Variants in NPNT observed in about 807,000 individuals in gnomAD.
NPNT encodes the protein nephronectin.
NPNT carries 45 observed loss-of-function variants against 68.6 expected under a neutral mutation model. That is an observed-to-expected ratio of 0.66 (90% CI 0.52 to 0.84). The LOEUF (loss-of-function observed/expected upper bound fraction) is 0.84. NPNT is among the 40% of genes least tolerant of loss of function. The pLI is 0.00. For missense variants in NPNT, 672 were observed against 714.8 expected (o/e 0.94, Z 0.68); for synonymous variants, 233 against 253.3 (o/e 0.92, Z 0.76).
chr4:105,918,836 C>T (rs1728019685), intron 2 of NPNT, among the ~76,000 whole-genome samples: 1 of 152,096 alleles, frequency 6.6e-6, no homozygotes, highest in Admixed American at 6.6e-5. Context: ...GAGATGGGTA[C>T]TGTTCTAAGT....
rs1728360884 is a variant in NPNT at position 105,922,851 on chromosome 4, T to G, written c.173-4485T>G. ...GCAACTGATTTTGGGGTAAAATGTC[T>G]ATCATTCGTTGATTATCTGTGATTT... On this transcript the variant is annotated intron_variant, in intron 2 of 11. Coordinates refer to ENST00000379987, the MANE Select transcript of NPNT (RefSeq NM_001033047.3). Among the ~76,000 whole-genome samples, 5 of 152,338 alleles carry G rather than the reference T, an allele frequency of 3.3e-5. No individual in the cohort carries two copies. The South Asian group carries it at 1.0e-3, about 32-fold the overall frequency.
At chr4:105,900,640 A>T (rs1270743217) in intron 2 of NPNT, among the ~76,000 whole-genome samples, 1 of 152,060 alleles carries the variant, frequency 6.6e-6, no homozygotes, top group Non-Finnish European at 1.5e-5. Context: ...GAAACTTTAT[A>T]TCCTTCCCTC....
chr4:105,916,507 C>G (rs1414450609), intron 2 of NPNT, among the ~76,000 whole-genome samples: 1 of 152,114 alleles, frequency 6.6e-6, no homozygotes, highest in Admixed American at 6.6e-5. Context: ...CAGGCCTGGG[C>G]CACTGTACCC....
intron 3 of NPNT, 41 bp from the exon 4 acceptor site, chr4:105,936,968 A>G: frequency 1.9e-6 from 3 of 1,594,240 alleles, no homozygotes; most frequent in Non-Finnish European, 1.7e-6. Flanking sequence ...ATTAGTGCTG[A>G]GGTTTTGTAA....
At chr4:105,960,405 C>A (rs754409171) in intron 10 of NPNT, among the ~76,000 whole-genome samples, 1 of 152,294 alleles carries the variant, frequency 6.6e-6, no homozygotes, top group South Asian at 2.1e-4. Context: ...GATTTTCATG[C>A]ATTTCTAGCA....
chr4:105,940,631 G>C lies in NPNT; in HGVS notation c.758G>C (p.Cys253Ser), dbSNP rs1252529153. 6.2e-7 allele frequency: 1 copy of C among 1,612,652 alleles called. No individual in the cohort carries two copies. The highest frequency in any genetic ancestry group is 1.3e-5 in the African/African-American group (1 of 74,850). Residue 253 changes from cysteine to serine, a missense_variant, in exon 7 of 12, where the codon TGT (cysteine) becomes TCT (serine). By Grantham distance (112) the Cys-to-Ser change is moderately radical. Transcript: ENST00000379987. ...KEGYQGDGLT[C>S]VYIPKVMIEP... ...GGATACCAGGGTGATGGACTGACTT[G>C]TGTGTGTGAGTAGCACTTGTCTCTC...
At chr4:105,939,216 T>C (rs1729730397) in intron 5 of NPNT, among the ~76,000 whole-genome samples, 1 of 152,174 alleles carries the variant, frequency 6.6e-6, no homozygotes, top group Non-Finnish European at 1.5e-5. Context: ...CAATGCCAAG[T>C]GTTAACATGA....
At chr4:105,961,996 G>A (rs1731755554) in intron 10 of NPNT, among the ~76,000 whole-genome samples, 1 of 152,176 alleles carries the variant, frequency 6.6e-6, no homozygotes, top group African/African-American at 2.4e-5. Flanking sequence ...CGAAGTTATG[G>A]CTCATAGTCG....
intron 3 of NPNT, among the ~76,000 whole-genome samples, chr4:105,936,505 A>G (rs1431097317): frequency 6.6e-6 from 1 of 152,226 alleles, no homozygotes; most frequent in Non-Finnish European, 1.5e-5. Context: ...GTAAAGTAAA[A>G]TATTCTCAAA....
At chr4:105,909,911 CCAGTCTGAGTCA>C in intron 2 of NPNT, among the ~76,000 whole-genome samples, 1 of 152,100 alleles carries the variant, frequency 6.6e-6, no homozygotes, top group Non-Finnish European at 1.5e-5. Context: ...CTGTATGCCT[CCAGTCTGAGTCA>C]CATGGTAACT....
At chr4:105,962,178 A>ACTTTGG (rs1198563304) in intron 10 of NPNT, among the ~76,000 whole-genome samples, 1 of 152,178 alleles carries the variant, frequency 6.6e-6, no homozygotes, top group African/African-American at 2.4e-5. Context: ...ATGAAAATCC[A>ACTTTGG]CTTTGGTTAA....
chr4:105,949,548 G>A (rs1037862271), intron 8 of NPNT, among the ~76,000 whole-genome samples: 25 of 152,158 alleles, frequency 1.6e-4, no homozygotes, highest in Non-Finnish European at 3.2e-4. Context: ...GTTTGCTGCA[G>A]GGGATTGTTA....
In NPNT at chr4:105,970,533, C is replaced by T. The variant is rs529335240; in HGVS notation, c.*1543C>T. ...TGAAGGGTTGGCACAGAGAGGGTGG[C>T]GACCAGCTGTTCTCCATATGCACTA... On this transcript the variant is annotated 3_prime_UTR_variant, in exon 12 of 12. Coordinates refer to ENST00000379987, the MANE Select transcript of NPNT (RefSeq NM_001033047.3). The T allele has an allele frequency of 5.0e-5, 34 of 682,398 alleles. No homozygotes were observed. The highest frequency in any genetic ancestry group is 2.3e-4 in the Middle Eastern group (1 of 4,282). The allele number at this position is 682,398 out of a possible 1,614,324, so 42.3% of individuals were successfully genotyped here. A position where few individuals can be genotyped will look rare whatever the true frequency, so the allele number is the denominator to read the frequency against.
intron 8 of NPNT, among the ~76,000 whole-genome samples, chr4:105,951,737 A>C (rs1730850798): frequency 6.6e-6 from 1 of 152,192 alleles, no homozygotes; most frequent in African/African-American, 2.4e-5. Flanking sequence ...TTATATTTTA[A>C]TTAGATCCTA....
intron 10 of NPNT, among the ~76,000 whole-genome samples, chr4:105,960,782 G>GTGTGTGTA (rs201204694): frequency 2.7e-5 from 4 of 150,432 alleles, no homozygotes; most frequent in African/African-American, 9.9e-5. Context: ...GTGTGTGTGT[G>GTGTGTGTA]TATACAATAT....
At chr4:105,954,942 T>G (rs1731102191) in intron 8 of NPNT, among the ~76,000 whole-genome samples, 3 of 152,208 alleles carry the variant, frequency 2.0e-5, no homozygotes, top group Admixed American at 2.0e-4. Flanking sequence ...GGCAAGAGTA[T>G]GCCCAATGCT....
intron 2 of NPNT, among the ~76,000 whole-genome samples, chr4:105,903,481 G>C (rs28369208): frequency 0.14 from 21,418 of 152,094 alleles, 3,139 homozygotes; most frequent in African/African-American, 0.38. Context: ...CACTCTTGCC[G>C]CTTTCCCATT....
intron 1 of NPNT, 151 bp downstream of exon 1, chr4:105,895,874 C>A (rs1204626532): frequency 1.5e-6 from 1 of 670,406 alleles, no homozygotes; most frequent in Non-Finnish European, 2.5e-6. Flanking sequence ...GCGAGGAGAG[C>A]GGTCCAGCGG....
intron 10 of NPNT, among the ~76,000 whole-genome samples, chr4:105,964,667 T>C (rs1731980638): frequency 6.6e-6 from 1 of 152,214 alleles, no homozygotes; most frequent in Non-Finnish European, 1.5e-5. Context: ...ATTTTTTCTC[T>C]GATGTTCTTT....
Sources: gnomAD v4.1 joint callset for allele counts (sites outside exome capture counted in the v4.1 genomes callset) on GRCh38, gnomAD v4.1.1 for gene constraint, MANE v1.5 for transcripts, NCBI Gene and HGNC (gene_info 2026-07-23, HGNC 2026-07-21) for gene names.